Variants in GGPS1 observed in about 807,000 individuals in gnomAD.
GGPS1 encodes the protein geranylgeranyl pyrophosphate synthase.
A neutral mutation model predicts 28.1 loss-of-function variants in GGPS1; 15 were observed. The ratio of observed to expected loss-of-function variants is 0.53; its 90% CI spans 0.36 to 0.82. The LOEUF (loss-of-function observed/expected upper bound fraction) is 0.82, where lower values mean the gene tolerates loss of function less well. Ranked by LOEUF, GGPS1 falls within the 40% of genes least tolerant of loss-of-function variation. The pLI is 0.01. For missense variants in GGPS1, 284 were observed against 348.3 expected (o/e 0.82, Z 1.47); for synonymous variants, 138 against 122.4 (o/e 1.13, Z -0.84).
intron 1 of GGPS1, chr1:235,330,695 G>A (rs1174577521): frequency 2.0e-5 from 3 of 152,258 alleles, no homozygotes; most frequent in South Asian, 4.1e-4. Flanking sequence ...CAACCACAAA[G>A]CTCTACGAAT....
rs1012843795 is a variant in GGPS1 at position 235,342,138 on chromosome 1, A to T, written c.269A>T (p.Asn90Ile). The T allele has an allele frequency of 2.5e-6, 4 of 1,614,078 alleles. No individual in the cohort carries two copies. Residue 90 changes from asparagine to isoleucine, a missense_variant, in exon 4 of 4, where the codon AAT becomes ATT. By Grantham distance (149) the Asn-to-Ile change is moderately radical (BLOSUM62 -3). Coordinates refer to ENST00000282841, the MANE Select transcript of GGPS1 (RefSeq NM_004837.4). ...ATCTATGGAATCCCATCTGTCATCA[A>T]TTCTGCCAATTACGTGTATTTCCTT... The part of the protein sequence containing the change: ...HSIYGIPSVI[N>I]SANYVYFLGL...
intron 1 of GGPS1, chr1:235,329,190 C>G (rs1675595593): frequency 6.6e-6 from 1 of 152,234 alleles, no homozygotes; most frequent in Non-Finnish European, 1.5e-5. Flanking sequence ...ATTTGTATGT[C>G]TCTGGCCATT....
intron 1 of GGPS1, among the ~76,000 whole-genome samples, chr1:235,331,539 A>T (rs577102846): frequency 2.2e-4 from 34 of 152,244 alleles, no homozygotes; most frequent in African/African-American, 7.7e-4. Flanking sequence ...GTAAACATTC[A>T]GGGACTATAT....
intron 2 of GGPS1, among the ~76,000 whole-genome samples, chr1:235,337,722 C>T (rs868571558): frequency 6.6e-6 from 1 of 151,702 alleles, no homozygotes. Flanking sequence ...CCAGCTGAGG[C>T]ACGGGAGTCA....
chr1:235,342,017 A>T lies in GGPS1; in HGVS notation c.148A>T (p.Ile50Phe). The T allele has an allele frequency of 6.4e-7, 1 of 1,558,304 alleles. No homozygotes were observed. Among genetic ancestry groups the T allele is most frequent in the South Asian group, 1.2e-5 (1 of 84,884 alleles). ...TTTTCAATTTTTTTATTAGATTATT[A>T]TTGAAGTGACAGAAATGTTGCATAA... The part of the protein sequence containing the change: ...KVPEDKLQII[I>F]EVTEMLHNAS... The change falls in exon 4 of 4, where the codon ATT (isoleucine) becomes TTT (phenylalanine). Residue 50 changes from isoleucine to phenylalanine, a missense_variant. By Grantham distance (21) the Ile-to-Phe change is conservative. Coordinates refer to ENST00000282841, the MANE Select transcript of GGPS1 (RefSeq NM_004837.4).
intron 2 of GGPS1, among the ~76,000 whole-genome samples, chr1:235,340,532 C>T (rs1014714923): frequency 1.3e-5 from 2 of 150,392 alleles, no homozygotes; most frequent in African/African-American, 2.4e-5. Flanking sequence ...GTCAGGAGAT[C>T]GAGACCATCC....
intron 2 of GGPS1, 120 bp from the exon 3 acceptor site, chr1:235,341,588 T>G: frequency 1.4e-6 from 1 of 707,792 alleles, no homozygotes; most frequent in Non-Finnish European, 2.6e-6. Flanking sequence ...AATGGATTGA[T>G]GAGGCTGGAT....
intron 2 of GGPS1, among the ~76,000 whole-genome samples, chr1:235,339,491 C>CA (rs746222339): frequency 6.6e-6 from 1 of 151,318 alleles, no homozygotes; most frequent in African/African-American, 2.4e-5. Flanking sequence ...AACAAACAAA[C>CA]AAAAAAACCC....
Position 235,344,458 on chromosome 1 carries a change from C to G in GGPS1, c.*1686C>G, listed in dbSNP as rs139019369. The G allele has an allele frequency of 2.6e-3, 442 of 167,050 alleles. 1 individual carries two copies. The highest frequency in any genetic ancestry group is 0.01 in the African/African-American group (425 of 41,518). 10.3% of individuals were successfully genotyped at this position (167,050 alleles called of 1,614,324 possible). A position where few individuals can be genotyped will look rare whatever the true frequency, so the allele number is the denominator to read the frequency against. On this transcript the variant is annotated 3_prime_UTR_variant, in exon 4 of 4. Coordinates refer to ENST00000282841, the MANE Select transcript of GGPS1 (RefSeq NM_004837.4). Reference sequence around the variant, plus strand: ...GAAAGTTGAACTTTATGAACCCATACTTTTAAAAAGCATTTTTAAAAATCT... The same window carrying G: ...GAAAGTTGAACTTTATGAACCCATAGTTTTAAAAAGCATTTTTAAAAATCT...
intron 2 of GGPS1, among the ~76,000 whole-genome samples, chr1:235,337,698 G>A (rs997253041): frequency 1.3e-5 from 2 of 151,818 alleles, no homozygotes; most frequent in Non-Finnish European, 2.9e-5. Context: ...GTATGGTAGC[G>A]CATGCCTGTA....
intron 1 of GGPS1, among the ~76,000 whole-genome samples, chr1:235,333,810 T>C (rs1459722993): frequency 6.6e-6 from 1 of 152,176 alleles, no homozygotes; most frequent in East Asian, 1.9e-4. Context: ...CATTTAGCCT[T>C]TTTGTTGTAG....
chr1:235,329,325 T>C (rs533445894), intron 1 of GGPS1: 9 of 152,380 alleles, frequency 5.9e-5, no homozygotes, highest in Admixed American at 5.2e-4. Context: ...TTCATGGGTG[T>C]TGAGCGCCGA....
chr1:235,327,990 A>C (rs1675464127), upstream of GGPS1: 1 of 152,050 alleles, frequency 6.6e-6, no homozygotes, highest in Non-Finnish European at 1.5e-5. Context: ...ACGACGAAAA[A>C]TCCCCCCCGG....
chr1:235,339,336 C>T (rs143971904), intron 2 of GGPS1, among the ~76,000 whole-genome samples: 4 of 152,012 alleles, frequency 2.6e-5, no homozygotes, highest in East Asian at 3.9e-4. Flanking sequence ...GGCGTAGTGA[C>T]GCACACCTGT....
chr1:235,330,870 T>C (rs372512654), intron 1 of GGPS1, among the ~76,000 whole-genome samples: 1 of 152,222 alleles, frequency 6.6e-6, no homozygotes, highest in African/African-American at 2.4e-5. Flanking sequence ...TCCCAACTTG[T>C]AGTTGAGAAA....
chr1:235,339,747 C>A (rs572751726), intron 2 of GGPS1, among the ~76,000 whole-genome samples: 9 of 142,572 alleles, frequency 6.3e-5, no homozygotes, highest in Non-Finnish European at 1.4e-4. Context: ...GTGACAAGAG[C>A]GAAATTCCAT....
In GGPS1 at chr1:235,343,618, C is replaced by T. The variant is rs192915065; in HGVS notation, c.*846C>T. 6.0e-6 allele frequency: 1 copy of T among 167,026 alleles called. No homozygotes were observed. The highest frequency in any genetic ancestry group is 1.9e-4 in the East Asian group (1 of 5,172). The allele number at this position is 167,026 out of a possible 1,614,324, so 10.3% of individuals were successfully genotyped here. A position where few individuals can be genotyped will look rare whatever the true frequency, so the allele number is the denominator to read the frequency against. ...CTTTTTCTTAGGTTTTCCTTTTTTCCTTCCTCTCCACCCCACAAGTTTTGC... is the reference window on the plus strand; with the variant it reads ...CTTTTTCTTAGGTTTTCCTTTTTTCTTTCCTCTCCACCCCACAAGTTTTGC... On this transcript the variant is annotated 3_prime_UTR_variant, in exon 4 of 4. Coordinates refer to ENST00000282841, the MANE Select transcript of GGPS1 (RefSeq NM_004837.4).
At chr1:235,335,104 C>T (rs1297644956) in intron 1 of GGPS1, 138 bp from the exon 2 acceptor site, 6 of 523,398 alleles carry the variant, frequency 1.1e-5, no homozygotes, top group Admixed American at 7.4e-5. Flanking sequence ...CGTGAACTAC[C>T]GTGCCCAGCA....
At chr1:235,332,564 C>T (rs1247871535) in intron 1 of GGPS1, among the ~76,000 whole-genome samples, 3 of 151,972 alleles carry the variant, frequency 2.0e-5, no homozygotes, top group South Asian at 4.2e-4. Context: ...TTTTGTGGCA[C>T]GTTGTTGGTA....
Sources: gnomAD v4.1 joint callset for allele counts (sites outside exome capture counted in the v4.1 genomes callset) on GRCh38, gnomAD v4.1.1 for gene constraint, MANE v1.5 for transcripts, NCBI Gene and HGNC (gene_info 2026-07-23, HGNC 2026-07-21) for gene names.